The following ZNF257 variants were observed in gnomAD, a reference collection of about 807,000 sequenced individuals.
The protein encoded by ZNF257 is zinc finger protein 257.
In ZNF257, 12 loss-of-function variants were observed where a neutral mutation model predicts 11.9. The ratio of observed to expected loss-of-function variants is 1.01; its 90% CI spans 0.65 to 1.63. The LOEUF (loss-of-function observed/expected upper bound fraction) is 1.63, where lower values mean the gene tolerates loss of function less well. Among genes scored for constraint, ZNF257 ranks in the 40% most tolerant of loss-of-function variants. The probability of loss-of-function intolerance (pLI) is 0.00; values close to 1 mark genes in which losing one functional copy is unlikely to be tolerated. For missense variants in ZNF257, 580 were observed against 665.5 expected, an observed-to-expected ratio of 0.87 and a Z score of 1.41; for synonymous variants, 183 against 222.7, an observed-to-expected ratio of 0.82 and a Z score of 1.59.
At chr19:22,085,419 G>A (rs1035187152) in intron 3 of ZNF257, among the ~76,000 whole-genome samples, 13 of 152,088 alleles carry the variant, frequency 8.5e-5, no homozygotes, top group South Asian at 2.1e-4. Context: ...TGACCTAACC[G>A]GTGGTCTATC....
At chr19:22,081,066 T>G (rs1185352725) in intron 3 of ZNF257, among the ~76,000 whole-genome samples, 2 of 151,328 alleles carry the variant, frequency 1.3e-5, no homozygotes, top group Non-Finnish European at 2.9e-5. Flanking sequence ...TTTAGTAGAG[T>G]CGGGGTTTCA....
At chr19:22,056,770 G>A (rs1356253478) in intron 1 of ZNF257, among the ~76,000 whole-genome samples, 2 of 152,112 alleles carry the variant, frequency 1.3e-5, no homozygotes, top group Non-Finnish European at 2.9e-5. Context: ...AAGCCACCGC[G>A]CCCGGCCGAA....
Position 22,090,853 on chromosome 19 carries a change from G to A in ZNF257, c.*1411G>A, listed in dbSNP as rs900871626. ...TCAACTATTGCTGCATCAGAGATAT[G>A]AGAGATACTTTATTAGGTGGGAATT... On this transcript the variant is annotated 3_prime_UTR_variant, in exon 4 of 4. Transcript: ENST00000594947. 6.6e-6 allele frequency: 1 copy of A among 152,106 alleles called. No homozygotes were observed. The highest frequency in any genetic ancestry group is 2.4e-5 in the African/African-American group (1 of 41,398). The allele number at this position is 152,106 out of a possible 1,614,324, so 9.4% of individuals were successfully genotyped here. A position where few individuals can be genotyped will look rare whatever the true frequency, so the allele number is the denominator to read the frequency against.
chr19:22,052,538 C>G lies in ZNF257; in HGVS notation c.-95C>G, dbSNP rs111941634. 17 of 1,461,754 alleles carry G rather than the reference C, an allele frequency of 1.2e-5. No homozygotes were observed. Among genetic ancestry groups the G allele is most frequent in the African/African-American group, 4.2e-5 (3 of 71,464 alleles). The allele number at this position is 1,461,754 out of a possible 1,614,324, so 90.5% of individuals were successfully genotyped here. On this transcript the variant is annotated 5_prime_UTR_variant, in exon 1 of 4. Coordinates refer to ENST00000594947, the MANE Select transcript of ZNF257 (RefSeq NM_033468.4). Reference sequence around the variant, plus strand: ...AGGTCTCGTCTTCCCTGGTCTGTGTCCTCTTCTCCTAGGGGCCCAGCCTCT... The same window carrying G: ...AGGTCTCGTCTTCCCTGGTCTGTGTGCTCTTCTCCTAGGGGCCCAGCCTCT...
chr19:22,062,402 G>A lies in ZNF257; in HGVS notation c.3+9767G>A, dbSNP rs139706424. 7.7e-3 allele frequency among the ~76,000 whole-genome samples: 1,169 copies of A among 151,792 alleles called. 9 individuals carry two copies. Among genetic ancestry groups the A allele is most frequent in the African/African-American group, 0.026 (1,096 of 41,422 alleles). ...GCCTCCCAAAGTGCTGGGATTACAG[G>A]TGTGAGCCACTGCGCCCAGCTTTGC... On this transcript the variant is annotated intron_variant, in intron 1 of 3. Coordinates refer to ENST00000594947, the MANE Select transcript of ZNF257 (RefSeq NM_033468.4).
rs1302090502 is a variant in ZNF257 at position 22,088,933 on chromosome 19, A to G, written c.1183A>G (p.Thr395Ala). 6.2e-7 allele frequency: 1 copy of G among 1,612,716 alleles called. No individual in the cohort carries two copies. Among genetic ancestry groups the G allele is most frequent in the South Asian group, 1.1e-5 (1 of 90,982 alleles). The change falls in exon 4 of 4, where the codon ACT becomes GCT. Residue 395 changes from threonine (T) to alanine (A), a missense_variant. By Grantham distance (58) the Thr-to-Ala change is moderately conservative. Transcript: ENST00000594947. ...SHLTKHKRIH[T>A]REKAYKCDEY... is the part of the protein sequence containing the mutation. ...CCTTACTAAACATAAGAGAATTCAT[A>G]CTAGAGAGAAGGCCTACAAATGTGA...
chr19:22,083,654 A>C (rs1274034805), intron 3 of ZNF257, among the ~76,000 whole-genome samples: 3 of 152,150 alleles, frequency 2.0e-5, no homozygotes, highest in Non-Finnish European at 4.4e-5. Flanking sequence ...ATCTCAATAC[A>C]CATTATACAA....
At chr19:22,064,114 C>T (rs2021878197) in intron 1 of ZNF257, 1 of 152,074 alleles carries the variant, frequency 6.6e-6, no homozygotes, top group Admixed American at 6.6e-5. Context: ...CCCAAGGTTG[C>T]CCCTTAGATG....
At position 22,088,166 on chromosome 19, in the gene ZNF257, C is replaced by A; in HGVS notation, c.416C>A (p.Thr139Asn). 6.2e-7 allele frequency: 1 copy of A among 1,608,174 alleles called. No homozygotes were observed. Residue 139 changes from threonine (T) to asparagine (N), a missense_variant, in exon 4 of 4, where the codon ACT becomes AAT. Physicochemically the swap from Thr to Asn is moderately conservative, Grantham distance 65. Transcript: ENST00000594947. ...AATGGACTTAACCAATGTCTGATAA[C>A]TACCCAGAGCAAAATGTATCAATGT... The part of the protein sequence containing the change: ...GYNGLNQCLI[T>N]TQSKMYQCDK...
At chr19:22,068,697 TC>T (rs1470540828) in intron 1 of ZNF257, among the ~76,000 whole-genome samples, 1 of 152,128 alleles carries the variant, frequency 6.6e-6, no homozygotes, top group Non-Finnish European at 1.5e-5. Flanking sequence ...CTACAAAGTA[TC>T]CAGAGCCATG....
In ZNF257 at chr19:22,089,660, C is replaced by G; in HGVS notation, c.*218C>G. 1 of 1,182,250 alleles carries G rather than the reference C, an allele frequency of 8.5e-7. No individual in the cohort carries two copies. The highest frequency in any genetic ancestry group is 1.1e-6 in the Non-Finnish European group (1 of 883,578). The allele number at this position is 1,182,250 out of a possible 1,614,324, so 73.2% of individuals were successfully genotyped here. On this transcript the variant is annotated 3_prime_UTR_variant, in exon 4 of 4. Coordinates refer to ENST00000594947, the MANE Select transcript of ZNF257 (RefSeq NM_033468.4). ...AATGTGGCATAGCCTCTTCCCAGTT[C>G]TCAACTCTTACTAAACATGAGAACA... is the stretch of plus-strand genomic sequence containing the variant.
At chr19:22,066,766 T>C (rs2021959252) in intron 1 of ZNF257, among the ~76,000 whole-genome samples, 1 of 152,190 alleles carries the variant, frequency 6.6e-6, no homozygotes, top group African/African-American at 2.4e-5. Flanking sequence ...TTTTCAATTA[T>C]CAAGTGAATT....
At chr19:22,053,975 A>C (rs1027828871) in intron 1 of ZNF257, among the ~76,000 whole-genome samples, 3 of 152,158 alleles carry the variant, frequency 2.0e-5, no homozygotes, top group Admixed American at 6.5e-5. Context: ...AAATTTCTTT[A>C]AAGTAGAAAT....
In ZNF257 at chr19:22,088,667, A is replaced by G; in HGVS notation, c.917A>G (p.His306Arg). The G allele has an allele frequency of 1.2e-6, 2 of 1,613,714 alleles. No individual in the cohort carries two copies. Among genetic ancestry groups the G allele is most frequent in the Non-Finnish European group, 1.7e-6 (2 of 1,179,900 alleles). Reference protein sequence around the residue: ...WSSALTTLTQHKRIHTGEKPY... With the variant: ...WSSALTTLTQRKRIHTGEKPY... Reference sequence around the variant, plus strand: ...TCAGCTCTTACTACCCTTACTCAACATAAGAGAATTCATACTGGAGAGAAA... The same window carrying G: ...TCAGCTCTTACTACCCTTACTCAACGTAAGAGAATTCATACTGGAGAGAAA... Residue 306 changes from histidine to arginine, a missense_variant, in exon 4 of 4, where the codon CAT (histidine) becomes CGT (arginine). By Grantham distance (29) the His-to-Arg change is conservative. Transcript: ENST00000594947.
At chr19:22,084,983 C>T (rs2022444061) in intron 3 of ZNF257, among the ~76,000 whole-genome samples, 2 of 151,784 alleles carry the variant, frequency 1.3e-5, no homozygotes, top group African/African-American at 2.4e-5. Flanking sequence ...CCCGCTTTGG[C>T]CTCCCAAACT....
chr19:22,059,276 T>G (rs933128051), intron 1 of ZNF257, among the ~76,000 whole-genome samples: 3 of 152,206 alleles, frequency 2.0e-5, no homozygotes, highest in African/African-American at 7.2e-5. Flanking sequence ...AACAGGTATT[T>G]TTTCTGATCT....
rs1199617991 is a variant in ZNF257 at position 22,089,656 on chromosome 19, A to T, written c.*214A>T. The T allele has an allele frequency of 4.2e-6, 5 of 1,204,406 alleles. No individual in the cohort carries two copies. The highest frequency in any genetic ancestry group is 5.5e-6 in the Non-Finnish European group (5 of 903,214). The allele number at this position is 1,204,406 out of a possible 1,614,324, so 74.6% of individuals were successfully genotyped here. On this transcript the variant is annotated 3_prime_UTR_variant, in exon 4 of 4. Coordinates refer to ENST00000594947, the MANE Select transcript of ZNF257 (RefSeq NM_033468.4). The stretch of plus-strand genomic sequence containing the variant: ...GATGAATGTGGCATAGCCTCTTCCC[A>T]GTTCTCAACTCTTACTAAACATGAG...
chr19:22,079,870 T>G (rs1193125149), intron 3 of ZNF257, among the ~76,000 whole-genome samples: 1 of 148,760 alleles, frequency 6.7e-6, no homozygotes, highest in Non-Finnish European at 1.5e-5. Flanking sequence ...TTGAAGAATT[T>G]TATATATTTA....
chr19:22,072,953 A>C lies in ZNF257; in HGVS notation c.130+18A>C. ...CTTCCTGGGTGAGGATAACTTCAGT[A>C]CTCAATTCCTAATATACTCCAAAGG... On this transcript the variant is annotated intron_variant, in intron 2 of 3. Transcript: ENST00000594947. 1 of 1,598,408 alleles carries C rather than the reference A, an allele frequency of 6.3e-7. No homozygotes were observed. The highest frequency in any genetic ancestry group is 8.5e-7 in the Non-Finnish European group (1 of 1,174,914).
Sources: allele counts gnomAD v4.1 joint callset (sites outside exome capture counted in the v4.1 genomes callset), GRCh38; gene constraint gnomAD v4.1.1; transcripts MANE v1.5; gene names NCBI Gene and HGNC (gene_info 2026-07-23, HGNC 2026-07-21).